Variants in CORIN observed in about 807,000 individuals in gnomAD.
CORIN encodes atrial natriuretic peptide-converting enzyme.
A neutral mutation model predicts 125.3 loss-of-function variants in CORIN; 117 were observed. The ratio of observed to expected loss-of-function variants is 0.93; its 90% CI spans 0.80 to 1.09. CORIN has a LOEUF of 1.09. Ranked by LOEUF, CORIN falls within the 50% of genes least tolerant of loss-of-function variation. The pLI is 0.00. For missense variants in CORIN, 1,253 were observed against 1,306.7 expected, an observed-to-expected ratio of 0.96 and a Z score of 0.63; for synonymous variants, 450 against 466.4, an observed-to-expected ratio of 0.96 and a Z score of 0.45.
intron 13 of CORIN, among the ~76,000 whole-genome samples, chr4:47,647,741 T>C (rs1010240907): frequency 5.9e-5 from 9 of 152,200 alleles, no homozygotes; most frequent in Non-Finnish European, 1.5e-5. Flanking sequence ...TGCAGTCCTT[T>C]GTAAGATGCG....
intron 4 of CORIN, among the ~76,000 whole-genome samples, chr4:47,756,579 T>C (rs916540694): frequency 6.6e-6 from 1 of 152,224 alleles, no homozygotes; most frequent in African/African-American, 2.4e-5. Context: ...GAAAATTGAG[T>C]ACATGACAGA....
At chr4:47,647,538 T>C (rs1259730180) in intron 13 of CORIN, among the ~76,000 whole-genome samples, 1 of 152,118 alleles carries the variant, frequency 6.6e-6, no homozygotes, top group Non-Finnish European at 1.5e-5. Context: ...ATGATGATAA[T>C]GAGATAACAT....
intron 6 of CORIN, among the ~76,000 whole-genome samples, chr4:47,684,121 G>A (rs2109722594): frequency 6.6e-6 from 1 of 152,280 alleles, no homozygotes; most frequent in East Asian, 1.9e-4. Flanking sequence ...GATGAGAAAA[G>A]ACATTCTCAG....
chr4:47,786,659 T>G (rs1332939898), intron 3 of CORIN, 66 bp downstream of exon 3: 87 of 1,265,832 alleles, frequency 6.9e-5, no homozygotes, highest in Non-Finnish European at 9.8e-5. Context: ...AAGCATTGGT[T>G]GCCAAACTTA....
intron 9 of CORIN, among the ~76,000 whole-genome samples, chr4:47,676,277 A>G (rs769603849): frequency 8.7e-4 from 132 of 152,122 alleles, no homozygotes; most frequent in Non-Finnish European, 1.5e-3. Context: ...GCCTTCTCTC[A>G]TGGTCCTCCT....
intron 1 of CORIN, among the ~76,000 whole-genome samples, chr4:47,832,886 A>T (rs1279951096): frequency 6.6e-6 from 1 of 152,216 alleles, no homozygotes; most frequent in African/African-American, 2.4e-5. Flanking sequence ...ATAACTGAGC[A>T]CTTAAAATGT....
intron 19 of CORIN, among the ~76,000 whole-genome samples, chr4:47,623,134 T>A (rs943771964): frequency 1.7e-4 from 24 of 141,212 alleles, no homozygotes; most frequent in South Asian, 4.5e-4. Context: ...ACACACACAC[T>A]CTCTCTGAAT....
rs1220653201 is a variant in CORIN at position 47,642,053 on chromosome 4, G to T, written c.2069-4C>A. 5 of 1,611,776 alleles carry T rather than the reference G, an allele frequency of 3.1e-6. No homozygotes were observed. On this transcript the variant is annotated splice_polypyrimidine_tract_variant and splice_region_variant and intron_variant, in intron 15 of 21. Coordinates refer to ENST00000273857, the MANE Select transcript of CORIN (RefSeq NM_006587.4). ...TTCACATTTATAGAGAGGGTCACTA[G>T]GGAAAGAAAAGACAAGGGAAACCCT...
At chr4:47,644,727 A>G (rs191426686) in intron 14 of CORIN, among the ~76,000 whole-genome samples, 22 of 152,226 alleles carry the variant, frequency 1.4e-4, no homozygotes, top group Admixed American at 1.4e-3. Context: ...GTTTTACTCA[A>G]CTAATGACAT....
chr4:47,749,243 G>A (rs1045696545), intron 4 of CORIN, among the ~76,000 whole-genome samples: 1 of 151,964 alleles, frequency 6.6e-6, no homozygotes, highest in Non-Finnish European at 1.5e-5. Flanking sequence ...TGAGTGATTT[G>A]CTCCCAACCA....
At chr4:47,616,509 T>G (rs888504959) in intron 19 of CORIN, among the ~76,000 whole-genome samples, 7 of 152,140 alleles carry the variant, frequency 4.6e-5, no homozygotes, top group Non-Finnish European at 7.3e-5. Context: ...CAAGGAGTTT[T>G]TGTGTTATTT....
intron 3 of CORIN, among the ~76,000 whole-genome samples, chr4:47,763,980 T>C (rs924155448): frequency 2.0e-5 from 3 of 152,150 alleles, no homozygotes; most frequent in Admixed American, 1.3e-4. Flanking sequence ...GAAATAATCA[T>C]ATTTGTGAAT....
chr4:47,719,332 C>T (rs555849358), intron 5 of CORIN, among the ~76,000 whole-genome samples: 1 of 152,210 alleles, frequency 6.6e-6, no homozygotes, highest in Non-Finnish European at 1.5e-5. Context: ...TCCTCAACCC[C>T]AGTGACTAAA....
chr4:47,742,687 T>G (rs1267660921), intron 5 of CORIN, among the ~76,000 whole-genome samples: 1 of 152,054 alleles, frequency 6.6e-6, no homozygotes, highest in Admixed American at 6.6e-5. Context: ...ATTTGATCTA[T>G]ATATTTAATG....
At chr4:47,673,099 G>A (rs370423313) in intron 10 of CORIN, among the ~76,000 whole-genome samples, 4 of 152,126 alleles carry the variant, frequency 2.6e-5, no homozygotes, top group African/African-American at 7.2e-5. Flanking sequence ...AGTGGCTCGC[G>A]CCTGTAAGGC....
intron 5 of CORIN, among the ~76,000 whole-genome samples, chr4:47,710,038 G>GT (rs1159111401): frequency 6.6e-6 from 1 of 152,208 alleles, no homozygotes; most frequent in Admixed American, 6.5e-5. Context: ...TCAGTTTTGT[G>GT]TAAGTCTGAA....
chr4:47,646,818 A>G (rs1723509050), intron 13 of CORIN, among the ~76,000 whole-genome samples: 1 of 152,248 alleles, frequency 6.6e-6, no homozygotes, highest in African/African-American at 2.4e-5. Flanking sequence ...AGTTTCTTAA[A>G]CAATGTTATT....
chr4:47,625,982 A>C (rs1722541786), intron 17 of CORIN, among the ~76,000 whole-genome samples: 1 of 152,188 alleles, frequency 6.6e-6, no homozygotes, highest in African/African-American at 2.4e-5. Context: ...TGTACTTTCA[A>C]GGCAACTTGA....
intron 10 of CORIN, among the ~76,000 whole-genome samples, 158 bp from the exon 11 acceptor site, chr4:47,665,421 G>A (rs535188868): frequency 6.6e-6 from 1 of 152,256 alleles, no homozygotes; most frequent in African/African-American, 2.4e-5. Context: ...TTGAAAATAA[G>A]TAAGTTGATT....
Sources: allele counts gnomAD v4.1 joint callset (sites outside exome capture counted in the v4.1 genomes callset), GRCh38; gene constraint gnomAD v4.1.1; transcripts MANE v1.5; gene names NCBI Gene and HGNC (gene_info 2026-07-23, HGNC 2026-07-21).